Variants in TUBGCP3 observed in about 807,000 individuals in gnomAD.
TUBGCP3 encodes tubulin gamma complex component 3.
A neutral mutation model predicts 123.1 loss-of-function variants in TUBGCP3; 50 were observed. The ratio of observed to expected loss-of-function variants is 0.41; its 90% CI spans 0.32 to 0.51. TUBGCP3 has a LOEUF of 0.51. TUBGCP3 is among the 20% of genes least tolerant of loss of function. The pLI, the probability that TUBGCP3 is intolerant of heterozygous loss-of-function variation, is 0.36. For synonymous variants in TUBGCP3, 405 were observed against 413.9 expected (o/e 0.98, Z 0.26); for missense variants, 882 against 1,127.0 (o/e 0.78, Z 3.11).
At chr13:112,535,373 T>G (rs1259102760) in intron 11 of TUBGCP3, among the ~76,000 whole-genome samples, 1 of 152,206 alleles carries the variant, frequency 6.6e-6, no homozygotes, top group African/African-American at 2.4e-5. Context: ...CAAACTGCTT[T>G]CCAGAGGGGC....
intron 17 of TUBGCP3, among the ~76,000 whole-genome samples, chr13:112,510,089 G>A (rs1038107606): frequency 2.0e-5 from 3 of 152,132 alleles, no homozygotes; most frequent in African/African-American, 4.8e-5. Context: ...CAGGGCCGAC[G>A]CCACACTGGA....
rs1879381921 is a variant in TUBGCP3 at position 112,549,588 on chromosome 13, A to T, written c.967-1412T>A. ...TCATGCTCTTAATTAACAAAATTTT[A>T]AAATTGGCAGCTCAATGCCAATCCT... On this transcript the variant is annotated intron_variant, in intron 8 of 21. Coordinates refer to ENST00000261965, the MANE Select transcript of TUBGCP3 (RefSeq NM_006322.6). Among the ~76,000 whole-genome samples, 3 of 152,212 alleles carry T rather than the reference A, an allele frequency of 2.0e-5. No individual in the cohort carries two copies. In the South Asian group the frequency reaches 6.2e-4, roughly 31 times the overall value.
chr13:112,568,583 T>C (rs1341527124), intron 2 of TUBGCP3, among the ~76,000 whole-genome samples: 1 of 152,194 alleles, frequency 6.6e-6, no homozygotes, highest in East Asian at 1.9e-4. Context: ...AAGATGTTAT[T>C]ACTGAGACCC....
Position 112,585,170 on chromosome 13 carries a change from A to G in TUBGCP3, c.76+2735T>C, listed in dbSNP as rs1360698900. 2.0e-5 allele frequency among the ~76,000 whole-genome samples: 3 copies of G among 152,254 alleles called. No individual in the cohort carries two copies. The East Asian group carries it at 5.8e-4, about 29-fold the overall frequency. ...TAAAAAAAATGTATTACAAAAGCAT[A>G]AGGCCAATTGTAATATGTCATCAAA... On this transcript the variant is annotated intron_variant, in intron 1 of 21. Transcript: ENST00000261965.
rs560634280 is a variant in TUBGCP3, at chr13:112,550,908, C to T, written c.967-2732G>A. Among the ~76,000 whole-genome samples, 9 of 152,296 alleles carry T rather than the reference C, an allele frequency of 5.9e-5. No individual in the cohort carries two copies. The South Asian group carries it at 1.9e-3, about 32-fold the overall frequency. ...GGTCAGGAGATTAAGACCATCCTGG[C>T]TAACACAGTGAAACCCCGTCTCTAT... is the stretch of plus-strand genomic sequence containing the variant. On this transcript the variant is annotated intron_variant, in intron 8 of 21. Transcript: ENST00000261965.
chr13:112,601,310 G>A, the TUBGCP3 span, among the ~76,000 whole-genome samples: 3 of 151,512 alleles, frequency 2.0e-5, no homozygotes, highest in Admixed American at 1.3e-4. Flanking sequence ...CATCTTGCTC[G>A]TCCTCATATG....
chr13:112,571,379 T>G (rs995900762), intron 1 of TUBGCP3, among the ~76,000 whole-genome samples: 1 of 152,174 alleles, frequency 6.6e-6, no homozygotes, highest in Non-Finnish European at 1.5e-5. Flanking sequence ...CAACGAGCAG[T>G]AAGGAATCTT....
At chr13:112,600,937 C>T in the TUBGCP3 span, among the ~76,000 whole-genome samples, 1 of 152,132 alleles carries the variant, frequency 6.6e-6, no homozygotes, top group African/African-American at 2.4e-5. Context: ...CCTGTAATCC[C>T]AGCACTTTGA....
rs762488794 is a variant in TUBGCP3 at position 112,486,005 on chromosome 13, G to A, written c.2712C>T (p.Ser904=). The A allele has an allele frequency of 6.2e-7, 1 of 1,601,140 alleles. No homozygotes were observed. Among genetic ancestry groups the A allele is most frequent in the Non-Finnish European group, 8.5e-7 (1 of 1,170,120 alleles). The change falls in exon 22 of 22, where the codon AGC becomes AGT. Residue 904 remains serine (S), a synonymous_variant. Coordinates refer to ENST00000261965, the MANE Select transcript of TUBGCP3 (RefSeq NM_006322.6). ...RVSLGTRGRR[S]SHT Reference sequence around the variant, plus strand: ...AGGACCGCGAGCTTCACGTGTGGGAGCTGCGCCGCCCCCTGGTACCCAGAG... The same window carrying A: ...AGGACCGCGAGCTTCACGTGTGGGAACTGCGCCGCCCCCTGGTACCCAGAG...
At chr13:112,529,715 G>A (rs547694347) in intron 11 of TUBGCP3, among the ~76,000 whole-genome samples, 6 of 152,250 alleles carry the variant, frequency 3.9e-5, no homozygotes, top group South Asian at 2.1e-4. Context: ...AAATGGTACC[G>A]GGACCATGAC....
Position 112,527,393 on chromosome 13 carries a change from G to A in TUBGCP3, c.1427C>T (p.Thr476Met), listed in dbSNP as rs751013530. ...LRKSMIPSFM[T>M]MDQSRKVLLI... ...TCCTACCTTCCTAGACTGATCCATC[G>A]TCATAAACGAAGGAATCATCGATTT... The change falls in exon 12 of 22, where the codon ACG (threonine) becomes ATG (methionine). Residue 476 changes from threonine to methionine, a missense_variant. Physicochemically the swap from Thr to Met is moderately conservative, Grantham distance 81 (BLOSUM62 -1). This residue lies in a region of TUBGCP3 where 713 missense variants were observed against 874.0 expected (regional missense o/e 0.82). Transcript: ENST00000261965. 1.0e-5 allele frequency: 16 copies of A among 1,587,468 alleles called. No homozygotes were observed. The highest frequency in any genetic ancestry group is 2.3e-5 in the South Asian group (2 of 85,118).
In TUBGCP3 at chr13:112,502,542, CTT is replaced by C. The variant is rs10710530; in HGVS notation, c.2307+1488_2307+1489del. Among the ~76,000 whole-genome samples, 731 of 114,350 alleles carry C rather than the reference CTT, an allele frequency of 6.4e-3. 3 individuals are homozygous for C. Among genetic ancestry groups the C allele is most frequent in the African/African-American group, 0.024 (673 of 28,094 alleles). 75.0% of individuals were successfully genotyped at this position (114,350 alleles called of 152,430 possible). A position where few individuals can be genotyped will look rare whatever the true frequency, so the allele number is the denominator to read the frequency against. On this transcript the variant is annotated intron_variant, in intron 19 of 21. Coordinates refer to ENST00000261965, the MANE Select transcript of TUBGCP3 (RefSeq NM_006322.6). ...TCAAACCTCAAGAAGTACATTTCTT[CTT>C]TTTTTTTTTTTTTTTTTTTGAGACA...
chr13:112,532,667 T>C (rs1877681068), intron 11 of TUBGCP3, among the ~76,000 whole-genome samples: 1 of 152,194 alleles, frequency 6.6e-6, no homozygotes, highest in African/African-American at 2.4e-5. Flanking sequence ...AGTAACACAA[T>C]GGAAAAAGTT....
At chr13:112,547,537 C>CGTGGG (rs761884626) in intron 10 of TUBGCP3, 83 bp downstream of exon 10, 65 of 1,175,852 alleles carry the variant, frequency 5.5e-5, no homozygotes, top group East Asian at 3.7e-4. Flanking sequence ...GAAAGACGTG[C>CGTGGG]ATGGGAAAGT....
At chr13:112,552,638 TG>T (rs1422292011) in intron 8 of TUBGCP3, among the ~76,000 whole-genome samples, 2 of 152,192 alleles carry the variant, frequency 1.3e-5, no homozygotes, top group East Asian at 1.9e-4. Context: ...GAAGATAACC[TG>T]GGCAAGATGA....
chr13:112,592,618 A>G (rs1882901540), upstream of TUBGCP3, among the ~76,000 whole-genome samples: 1 of 152,234 alleles, frequency 6.6e-6, no homozygotes, highest in Non-Finnish European at 1.5e-5. The surrounding 1 kb of genome is among the most constrained non-coding windows in gnomAD (Gnocchi z 4.1). Context: ...CTGAGAGTGG[A>G]AAAGTGCTGA....
intron 8 of TUBGCP3, among the ~76,000 whole-genome samples, chr13:112,551,022 ATG>A (rs1879532755): frequency 6.6e-6 from 1 of 151,762 alleles, no homozygotes; most frequent in Non-Finnish European, 1.5e-5. Context: ...TGGCGTGAAC[ATG>A]GGAGGCGGAG....
At chr13:112,578,558 C>CAAAAAAAAAAAAAA (rs71131496) in intron 1 of TUBGCP3, among the ~76,000 whole-genome samples, 21 of 24,910 alleles carry the variant, frequency 8.4e-4, no homozygotes, top group African/African-American at 2.4e-3. Flanking sequence ...GACTCCGTCT[C>CAAAAAAAAAAAAAA]AAAAAAAAAA....
intron 20 of TUBGCP3, among the ~76,000 whole-genome samples, chr13:112,493,639 C>A (rs1391152929): frequency 8.1e-6 from 1 of 122,952 alleles, no homozygotes; most frequent in African/African-American, 3.2e-5. Context: ...GGCCTGGTGT[C>A]CCTGAGATGC....
Sources: allele counts gnomAD v4.1 joint callset (sites outside exome capture counted in the v4.1 genomes callset), GRCh38; gene constraint gnomAD v4.1.1; regional missense constraint gnomAD v4.1.1; non-coding constraint Gnocchi (gnomAD v3.1); transcripts MANE v1.5; gene names NCBI Gene and HGNC (gene_info 2026-07-23, HGNC 2026-07-21).